VSX1: variants seen among roughly 807,000 people sequenced by gnomAD.
The protein encoded by VSX1 is visual system homeobox 1, also known as homeodomain protein RINX.
A neutral mutation model predicts 23.6 loss-of-function variants in VSX1; 23 were observed. That is an observed-to-expected ratio of 0.97 (90% confidence interval 0.70 to 1.38). VSX1 has a LOEUF of 1.38. Among genes scored for constraint, VSX1 ranks in the 40% most tolerant of loss-of-function variants. The pLI is 0.00. For missense variants in VSX1, 517 were observed against 495.4 expected, an observed-to-expected ratio of 1.04 and a Z score of -0.41; for synonymous variants, 247 against 215.1, an observed-to-expected ratio of 1.15 and a Z score of -1.30.
chr20:25,077,819 C>T lies in VSX1; in HGVS notation c.674G>A (p.Arg225His). The T allele has an allele frequency of 6.4e-7, 1 of 1,551,648 alleles. No homozygotes were observed. Among genetic ancestry groups the T allele is most frequent in the Non-Finnish European group, 8.7e-7 (1 of 1,147,170 alleles). The part of the protein sequence containing the change: ...RRAKWRKREK[R>H]WGGSSVMAEY... ...GGCCATCACGCTGCTGCCGCCCCAG[C>T]GCTTCTCCCGCTTGCGCCATTTGGC... is the stretch of plus-strand genomic sequence containing the variant. The change falls in exon 4 of 5, where the codon CGC (arginine) becomes CAC (histidine). Residue 225 changes from arginine (R) to histidine (H), a missense_variant. Physicochemically the swap from Arg to His is conservative, Grantham distance 29. Transcript: ENST00000376709.
downstream of VSX1, chr20:25,071,353 T>A: frequency 2.2e-6 from 1 of 454,008 alleles, no homozygotes; most frequent in Non-Finnish European, 4.4e-6. Context: ...CACGCTGTAA[T>A]CCTAGCAACA....
At chr20:25,081,127 G>C (rs1341927960) in intron 1 of VSX1, among the ~76,000 whole-genome samples, 2 of 152,236 alleles carry the variant, frequency 1.3e-5, no homozygotes, top group African/African-American at 4.8e-5. Context: ...CTGGGAGGAC[G>C]CTGCGCCGGC....
At chr20:25,080,322 C>T (rs1290970435) in intron 1 of VSX1, among the ~76,000 whole-genome samples, 1 of 152,142 alleles carries the variant, frequency 6.6e-6, no homozygotes, top group Non-Finnish European at 1.5e-5. Context: ...TCACCAGAAA[C>T]CTGGCTTGGA....
chr20:25,072,093 TGAGA>T (rs1248138178), downstream of VSX1: 1 of 603,120 alleles, frequency 1.7e-6, no homozygotes, highest in East Asian at 2.8e-5. Context: ...AAGGTGGGAC[TGAGA>T]GAGAGCGAGA....
chr20:25,080,204 C>G (rs1440974874), intron 1 of VSX1, among the ~76,000 whole-genome samples: 3 of 152,230 alleles, frequency 2.0e-5, no homozygotes, highest in Admixed American at 6.5e-5. Context: ...GAAGGCCAAA[C>G]TATTGTGAGA....
At position 25,081,696 on chromosome 20, in the gene VSX1, C is replaced by A. The variant is rs553151622; in HGVS notation, c.401G>T (p.Arg134Leu). The change falls in exon 1 of 5, where the codon CGC (arginine) becomes CTC (leucine). Residue 134 changes from arginine (R) to leucine (L), a missense_variant. Transcript: ENST00000376709. ...ACCGGACGTGGAGACGCTGTCGCTG[C>A]GCTTCTGGCGGCCGAGCGCAGGCGG... is the stretch of plus-strand genomic sequence containing the variant. ...RPPPALGRQK[R>L]SDSVSTSDED... 8 of 1,510,328 alleles carry A rather than the reference C, an allele frequency of 5.3e-6. No individual in the cohort carries two copies. In the African/African-American group the frequency reaches 8.5e-5, roughly 16 times the overall value. The allele number at this position is 1,510,328 out of a possible 1,614,324, so 93.6% of individuals were successfully genotyped here.
At position 25,076,515 on chromosome 20, in the gene VSX1, G is replaced by T; in HGVS notation, c.844C>A (p.Pro282Thr). The change falls in exon 5 of 5, where the codon CCA becomes ACA. Residue 282 changes from proline to threonine, a missense_variant. Coordinates refer to ENST00000376709, the MANE Select transcript of VSX1 (RefSeq NM_014588.6). ...CCTGCCAACTTATCTTCACTTCCTG[G>T]CTTCCTTATCATCCCCATGGATTTT... is the stretch of plus-strand genomic sequence containing the variant. ...HKKSMGMIRK[P>T]GSEDKLAGLW... The T allele has an allele frequency of 6.2e-7, 1 of 1,612,578 alleles. No homozygotes were observed. The highest frequency in any genetic ancestry group is 8.5e-7 in the Non-Finnish European group (1 of 1,179,696).
chr20:25,079,934 C>T (rs1276636726), intron 1 of VSX1, among the ~76,000 whole-genome samples: 1 of 152,138 alleles, frequency 6.6e-6, no homozygotes, highest in Non-Finnish European at 1.5e-5. Flanking sequence ...ACCCCTATGC[C>T]CCCAGCCTCA....
rs370818926 is a variant in VSX1 at position 25,082,014 on chromosome 20, G to A, written c.83C>T (p.Pro28Leu). The A allele has an allele frequency of 3.3e-5, 50 of 1,535,288 alleles. No individual in the cohort carries two copies. In the East Asian group the frequency reaches 4.6e-4, roughly 14 times the overall value. ...VPGGSPRGSRPRGFAITDLLG... is the reference protein window; with the variant it reads ...VPGGSPRGSRLRGFAITDLLG... ...CAGGTCCGTGATGGCGAAGCCCCGG[G>A]GGCGCGAGCCCCTAGGGGAACCGCC... is the stretch of plus-strand genomic sequence containing the variant. The change falls in exon 1 of 5, where the codon CCC becomes CTC. Residue 28 changes from proline (P) to leucine (L), a missense_variant. Physicochemically the swap from Pro to Leu is moderately conservative, Grantham distance 98 (BLOSUM62 -3). Transcript: ENST00000376709.
downstream of VSX1, chr20:25,071,451 A>G (rs1278878562): frequency 6.6e-6 from 3 of 453,674 alleles, no homozygotes; most frequent in Non-Finnish European, 4.4e-6. Context: ...CAGCCTGGAG[A>G]CAGAGTGAGA....
Position 25,080,705 on chromosome 20 carries a change from A to G in VSX1, c.424+968T>C, listed in dbSNP as rs1464592411. Among the ~76,000 whole-genome samples, 2 of 152,228 alleles carry G rather than the reference A, an allele frequency of 1.3e-5. 1 individual carries two copies. The highest frequency in any genetic ancestry group is 3.8e-4 in the East Asian group (2 of 5,200). On this transcript the variant is annotated intron_variant, in intron 1 of 4. Transcript: ENST00000376709. ...GGTTTTGTAAGAAAGAACCCATCCC[A>G]TGAAAACAGTTTTGCATTTTTAGTG...
At chr20:25,078,620 A>G in intron 3 of VSX1, 1 of 1,480,864 alleles carries the variant, frequency 6.8e-7, no homozygotes. Flanking sequence ...ATTTTAAAGA[A>G]TGATTTGATA....
rs2089495855 is a variant in VSX1, at chr20:25,076,542, T to G, written c.817A>C (p.Lys273Gln). Residue 273 changes from lysine (K) to glutamine (Q), a missense_variant, in exon 5 of 5, where the codon AAA becomes CAA. By Grantham distance (53) the Lys-to-Gln change is moderately conservative (BLOSUM62 1). Coordinates refer to ENST00000376709, the MANE Select transcript of VSX1 (RefSeq NM_014588.6). ...SCAPWLLGMH[K>Q]KSMGMIRKPG... Reference sequence around the variant, plus strand: ...TTCCTTATCATCCCCATGGATTTTTTATGCATCCCTTGTAAAAAAAAAAAT... The same window carrying G: ...TTCCTTATCATCCCCATGGATTTTTGATGCATCCCTTGTAAAAAAAAAAAT... 6.2e-7 allele frequency: 1 copy of G among 1,603,826 alleles called. No homozygotes were observed. Among genetic ancestry groups the G allele is most frequent in the Non-Finnish European group, 8.5e-7 (1 of 1,177,518 alleles).
intron 1 of VSX1, among the ~76,000 whole-genome samples, chr20:25,080,372 A>G (rs1456921901): frequency 6.6e-6 from 1 of 152,262 alleles, no homozygotes; most frequent in African/African-American, 2.4e-5. Flanking sequence ...CTGATGAGAC[A>G]TGAGACACAT....
In VSX1 at chr20:25,079,988, G is replaced by A. The variant is rs925699090; in HGVS notation, c.425-474C>T. 2.0e-5 allele frequency among the ~76,000 whole-genome samples: 3 copies of A among 152,116 alleles called. No homozygotes were observed. The East Asian group carries it at 5.8e-4, about 29-fold the overall frequency. On this transcript the variant is annotated intron_variant, in intron 1 of 4. Coordinates refer to ENST00000376709, the MANE Select transcript of VSX1 (RefSeq NM_014588.6). Reference sequence around the variant, plus strand: ...CAACATTTCCCAAAGGAAGTCTGGGGCTTGTGACATCAGAACCCTCGTCAG... The same window carrying A: ...CAACATTTCCCAAAGGAAGTCTGGGACTTGTGACATCAGAACCCTCGTCAG...
downstream of VSX1, chr20:25,071,714 T>C (rs1372196694): frequency 1.5e-6 from 1 of 671,732 alleles, no homozygotes; most frequent in Non-Finnish European, 2.7e-6. Flanking sequence ...TGGTAATAGA[T>C]ACGGAAAAGA....
At chr20:25,073,034 T>G (rs1398643452), downstream of VSX1, among the ~76,000 whole-genome samples, 2 of 152,290 alleles carry the variant, frequency 1.3e-5, no homozygotes, top group Middle Eastern at 3.4e-3. Context: ...GCTGGGGGAT[T>G]TGAGTGAGGG....
downstream of VSX1, chr20:25,072,511 G>A (rs761317702): frequency 1.1e-5 from 5 of 470,738 alleles, no homozygotes; most frequent in South Asian, 7.7e-5. Context: ...TCAAAGCACT[G>A]AGCTGGGACA....
At chr20:25,077,658 C>G (rs2089530246) in intron 4 of VSX1, 27 bp downstream of exon 4, 5 of 1,541,994 alleles carry the variant, frequency 3.2e-6, no homozygotes, top group Non-Finnish European at 4.4e-6. Context: ...CACCTCGAGC[C>G]GTGCGATCCC....
Sources: gnomAD v4.1 joint callset for allele counts (sites outside exome capture counted in the v4.1 genomes callset) on GRCh38, gnomAD v4.1.1 for gene constraint, MANE v1.5 for transcripts, NCBI Gene and HGNC (gene_info 2026-07-23, HGNC 2026-07-21) for gene names.